The following EPHX2 variants were observed in gnomAD, a reference collection of about 807,000 sequenced individuals.
EPHX2 encodes the protein bifunctional epoxide hydrolase 2.
Under a neutral mutation model 78.7 loss-of-function variants are expected in EPHX2, and 74 were observed. That is an observed-to-expected ratio of 0.94 (90% confidence interval 0.78 to 1.14). The LOEUF (loss-of-function observed/expected upper bound fraction) is 1.14, where lower values mean the gene tolerates loss of function less well. Ranked by LOEUF, EPHX2 falls within the 50% of genes most tolerant of loss-of-function variation. The pLI, the probability that EPHX2 is intolerant of heterozygous loss-of-function variation, is 0.00. For missense variants in EPHX2, 715 were observed against 702.5 expected (o/e 1.02, Z -0.20); for synonymous variants, 251 against 255.2 (o/e 0.98, Z 0.16).
intron 12 of EPHX2, among the ~76,000 whole-genome samples, chr8:27,533,386 A>G (rs1448648677): frequency 6.6e-6 from 1 of 152,192 alleles, no homozygotes; most frequent in East Asian, 1.9e-4. Flanking sequence ...TCCAGGGCAG[A>G]CAGGAAATTT....
chr8:27,527,933 A>G (rs4149248), intron 12 of EPHX2, among the ~76,000 whole-genome samples: 34,493 of 152,106 alleles, frequency 0.23, 4,668 homozygotes, highest in African/African-American at 0.39. Context: ...CTGGCCCAAG[A>G]CCAGGTACAT....
At chr8:27,539,796 G>C (rs964819923) in intron 14 of EPHX2, among the ~76,000 whole-genome samples, 11 of 152,314 alleles carry the variant, frequency 7.2e-5, no homozygotes, top group Middle Eastern at 6.8e-3. Context: ...GCTCAGGGTG[G>C]CTTCATCACA....
At chr8:27,526,528 T>C (rs1585211689) in intron 12 of EPHX2, among the ~76,000 whole-genome samples, 1 of 152,080 alleles carries the variant, frequency 6.6e-6, no homozygotes, top group African/African-American at 2.4e-5. Flanking sequence ...ATGGGTGTGG[T>C]GTGTGGTGTA....
chr8:27,544,786 G>T lies in EPHX2; in HGVS notation c.*264G>T, dbSNP rs1369125546. ...TGTAAGAACCCTTAGTGTCCTGTAG[G>T]GGGACAGAATGGGGTGGCCAGGTGG... On this transcript the variant is annotated 3_prime_UTR_variant, in exon 19 of 19. Transcript: ENST00000521400. The T allele has an allele frequency of 4.2e-6, 2 of 479,856 alleles. No individual in the cohort carries two copies. The allele number at this position is 479,856 out of a possible 1,614,324, so 29.7% of individuals were successfully genotyped here.
chr8:27,544,354 A>T (rs534322682), intron 18 of EPHX2, 90 bp from the exon 19 acceptor site: 130 of 1,593,312 alleles, frequency 8.2e-5, no homozygotes, highest in Non-Finnish European at 1.1e-4. Context: ...TTAGCCACTC[A>T]TGTCACTCAC....
At chr8:27,500,737 G>A (rs1170038439) in intron 1 of EPHX2, among the ~76,000 whole-genome samples, 189 bp from the exon 2 acceptor site, 2 of 152,168 alleles carry the variant, frequency 1.3e-5, no homozygotes, top group Non-Finnish European at 2.9e-5. Context: ...TTTACTGTAT[G>A]GTCTCATGTC....
intron 1 of EPHX2, chr8:27,492,869 C>T (rs1813431825): frequency 6.5e-6 from 1 of 153,536 alleles, no homozygotes; most frequent in South Asian, 2.0e-4. Context: ...CAGCTGGCCT[C>T]ACCTCTCAAT....
Position 27,511,846 on chromosome 8 carries a change from C to T in EPHX2, c.671C>T (p.Thr224Ile), listed in dbSNP as rs771152688. The T allele has an allele frequency of 1.2e-6, 2 of 1,614,136 alleles. No homozygotes were observed. Among genetic ancestry groups the T allele is most frequent in the Non-Finnish European group, 1.7e-6 (2 of 1,180,004 alleles). The part of the protein sequence containing the change: ...EKVTGIQLLN[T>I]PAPLPTSCNP... ...CTTTCCTGCTTACAGCTTCTCAATA[C>T]CCCGGCCCCTCTGCCGACCTCTTGC... Residue 224 changes from threonine to isoleucine, a missense_variant, in exon 6 of 19, where the codon ACC becomes ATC. Physicochemically the swap from Thr to Ile is moderately conservative, Grantham distance 89. Transcript: ENST00000521400.
intron 5 of EPHX2, among the ~76,000 whole-genome samples, chr8:27,511,170 A>G (rs1285252892): frequency 6.6e-6 from 1 of 152,204 alleles, no homozygotes; most frequent in African/African-American, 2.4e-5. Context: ...ATAAACTGGT[A>G]TTTTGTCATG....
intron 7 of EPHX2, 102 bp downstream of exon 7, chr8:27,515,915 T>C (rs948974513): frequency 3.0e-6 from 3 of 1,000,332 alleles, no homozygotes; most frequent in Non-Finnish European, 4.6e-6. Flanking sequence ...AACCTGACAG[T>C]GGAGCATTGT....
chr8:27,534,952 A>G (rs538202308), intron 12 of EPHX2, among the ~76,000 whole-genome samples: 1 of 152,180 alleles, frequency 6.6e-6, no homozygotes, highest in Admixed American at 6.5e-5. Flanking sequence ...ATAGAAGTCC[A>G]TGCTCTTGGT....
intron 2 of EPHX2, among the ~76,000 whole-genome samples, chr8:27,503,118 G>A (rs755782949): frequency 1.3e-5 from 2 of 152,112 alleles, no homozygotes; most frequent in African/African-American, 2.4e-5. Flanking sequence ...GAGAGCTATC[G>A]AGCCCCTTCT....
intron 8 of EPHX2, among the ~76,000 whole-genome samples, chr8:27,517,535 C>T (rs1814500760): frequency 6.6e-6 from 1 of 152,210 alleles, no homozygotes; most frequent in Non-Finnish European, 1.5e-5. Context: ...GTGATACAAA[C>T]ATAAAGACAG....
At chr8:27,517,285 AC>A (rs1814491888) in intron 8 of EPHX2, among the ~76,000 whole-genome samples, 1 of 148,720 alleles carries the variant, frequency 6.7e-6, no homozygotes, top group South Asian at 2.1e-4. Context: ...AAATCATACT[AC>A]CCATTGATTT....
At chr8:27,493,374 C>T (rs941838016) in intron 1 of EPHX2, among the ~76,000 whole-genome samples, 1 of 152,240 alleles carries the variant, frequency 6.6e-6, no homozygotes, top group African/African-American at 2.4e-5. Context: ...CCTCCTTTCT[C>T]AGCAGTGAGG....
chr8:27,539,358 A>G (rs1017328822), intron 14 of EPHX2: 1 of 152,204 alleles, frequency 6.6e-6, no homozygotes, highest in Non-Finnish European at 1.5e-5. Context: ...AACCCCCTTT[A>G]GATAAAATAT....
At chr8:27,507,689 T>G (rs1383469972) in intron 5 of EPHX2, among the ~76,000 whole-genome samples, 3 of 152,182 alleles carry the variant, frequency 2.0e-5, no homozygotes, top group Non-Finnish European at 4.4e-5. Flanking sequence ...GTTAGTTTGC[T>G]CGGGCTGCCA....
At position 27,516,388 on chromosome 8, in the gene EPHX2, T is replaced by C. The variant is rs1814454091; in HGVS notation, c.900T>C (p.Ser300=). ...AMDMKGYGES[S]APPEIEEYCM... ...ACATGAAAGGCTATGGAGAGTCATC[T>C]GCTCCTCCCGGTGGGTGTGCTGTCT... Residue 300 remains serine (S), a synonymous_variant, in exon 8 of 19, where the codon TCT becomes TCC. Coordinates refer to ENST00000521400, the MANE Select transcript of EPHX2 (RefSeq NM_001979.6). The C allele has an allele frequency of 3.7e-6, 6 of 1,614,036 alleles. No homozygotes were observed. Among genetic ancestry groups the C allele is most frequent in the Non-Finnish European group, 5.1e-6 (6 of 1,179,896 alleles).
intron 16 of EPHX2, among the ~76,000 whole-genome samples, chr8:27,542,114 C>T (rs1045714578): frequency 6.6e-6 from 1 of 152,096 alleles, no homozygotes; most frequent in African/African-American, 2.4e-5. Flanking sequence ...GCACAGGTAG[C>T]TAGGCCTTCA....
Sources: gnomAD v4.1 joint callset for allele counts (sites outside exome capture counted in the v4.1 genomes callset) on GRCh38, gnomAD v4.1.1 for gene constraint, MANE v1.5 for transcripts, NCBI Gene and HGNC (gene_info 2026-07-23, HGNC 2026-07-21) for gene names.